PROS1: variants seen among roughly 807,000 people sequenced by gnomAD.
PROS1 encodes protein S, also known as vitamin K-dependent protein S.
In PROS1, 29 loss-of-function variants were observed where a neutral mutation model predicts 75.9. That is an observed-to-expected ratio of 0.38 (90% CI 0.28 to 0.52). The LOEUF is 0.52. PROS1 is among the 20% of genes least tolerant of loss of function. The pLI, the probability that PROS1 is intolerant of heterozygous loss-of-function variation, is 0.83. For missense variants in PROS1, 680 were observed against 810.3 expected (o/e 0.84, Z 1.95); for synonymous variants, 245 against 280.6 (o/e 0.87, Z 1.27).
intron 9 of PROS1, among the ~76,000 whole-genome samples, chr3:93,896,264 T>C (rs978083538): frequency 2.0e-5 from 3 of 152,182 alleles, no homozygotes; most frequent in African/African-American, 7.2e-5. Flanking sequence ...AATGGAAATT[T>C]CACAAGTACA....
intron 14 of PROS1, 79 bp downstream of exon 14, chr3:93,876,887 T>C: frequency 1.0e-6 from 1 of 962,118 alleles, no homozygotes; most frequent in Non-Finnish European, 1.5e-6. Flanking sequence ...GATGCTTTTT[T>C]ACTATAATTA....
chr3:93,917,440 G>T (rs1199466225), intron 3 of PROS1, among the ~76,000 whole-genome samples: 1 of 152,160 alleles, frequency 6.6e-6, no homozygotes, highest in Non-Finnish European at 1.5e-5. Flanking sequence ...GCTGTGAGAG[G>T]TGACAGCGTG....
Position 93,893,097 on chromosome 3 carries a change from T to C in PROS1, c.991A>G (p.Thr331Ala). The change falls in exon 10 of 15, where the codon ACA becomes GCA. Residue 331 changes from threonine (T) to alanine (A), a missense_variant. Physicochemically the swap from Thr to Ala is moderately conservative, Grantham distance 58. Coordinates refer to ENST00000394236, the MANE Select transcript of PROS1 (RefSeq NM_000313.4). ...AGTATCACGCCTTCTGAATCATATG[T>C]CCGGAAATCAAATTCTGCTGAAAAT... Reference protein sequence around the residue: ...SRFSAEFDFRTYDSEGVILYA... With the variant: ...SRFSAEFDFRAYDSEGVILYA... 6.2e-7 allele frequency: 1 copy of C among 1,613,790 alleles called. No homozygotes were observed. Among genetic ancestry groups the C allele is most frequent in the Non-Finnish European group, 8.5e-7 (1 of 1,179,808 alleles).
chr3:93,885,767 T>C (rs537381992), intron 11 of PROS1, among the ~76,000 whole-genome samples: 6 of 152,334 alleles, frequency 3.9e-5, no homozygotes, highest in Admixed American at 2.0e-4. Context: ...GTTAATTAAT[T>C]CAAGCTTAAT....
At chr3:93,916,237 A>G (rs766164389) in intron 3 of PROS1, among the ~76,000 whole-genome samples, 1 of 152,134 alleles carries the variant, frequency 6.6e-6, no homozygotes, top group African/African-American at 2.4e-5. Context: ...CTTCTTCTTG[A>G]ATCATCTACT....
rs537428509 is a variant in PROS1, at chr3:93,945,339, C to T, written c.77-17932G>A. Among the ~76,000 whole-genome samples, 19 of 152,228 alleles carry T rather than the reference C, an allele frequency of 1.2e-4. No homozygotes were observed. The East Asian group carries it at 2.1e-3, about 17-fold the overall frequency. ...GCATCATCCTGATACCAAAGCCTGG[C>T]AGAGACACAACAACAAAAAAAAGAG... On this transcript the variant is annotated intron_variant, in intron 1 of 14. Coordinates refer to ENST00000394236, the MANE Select transcript of PROS1 (RefSeq NM_000313.4).
chr3:93,879,041 A>G, intron 13 of PROS1, 122 bp downstream of exon 13: 5 of 1,032,244 alleles, frequency 4.8e-6, no homozygotes, highest in Non-Finnish European at 7.1e-6. Flanking sequence ...ATTGTGCCAA[A>G]CACTTTACAT....
At chr3:93,930,011 A>C (rs1299260075) in intron 1 of PROS1, among the ~76,000 whole-genome samples, 1 of 152,234 alleles carries the variant, frequency 6.6e-6, no homozygotes. Context: ...ATTTATCAAC[A>C]GTTACTATAT....
At position 93,874,408 on chromosome 3, in the gene PROS1, G is replaced by A. The variant is rs1488263925; in HGVS notation, c.1871-3C>T. ...TGGTGTGGCACTGAATGGAACATCT[G>A]TAAAAGGAAAATATTAGAATATTAG... On this transcript the variant is annotated splice_region_variant and splice_polypyrimidine_tract_variant and intron_variant, in intron 14 of 14. Transcript: ENST00000394236. 6.2e-7 allele frequency: 1 copy of A among 1,613,214 alleles called. No individual in the cohort carries two copies. The highest frequency in any genetic ancestry group is 8.5e-7 in the Non-Finnish European group (1 of 1,179,386).
chr3:93,902,431 A>G (rs1478638691), intron 6 of PROS1, among the ~76,000 whole-genome samples: 1 of 152,198 alleles, frequency 6.6e-6, no homozygotes, highest in Non-Finnish European at 1.5e-5. Flanking sequence ...TATGACTCCA[A>G]ACTGACATCT....
intron 4 of PROS1, among the ~76,000 whole-genome samples, chr3:93,907,099 C>T (rs1202793052): frequency 1.3e-5 from 2 of 152,212 alleles, no homozygotes; most frequent in Non-Finnish European, 1.5e-5. Context: ...CTGGGGAAGG[C>T]CTGAGGCCTG....
intron 1 of PROS1, among the ~76,000 whole-genome samples, chr3:93,968,527 A>C (rs1709822977): frequency 6.6e-6 from 1 of 152,136 alleles, no homozygotes; most frequent in South Asian, 2.1e-4. Context: ...GTACTTTATT[A>C]TGGCAGTCCT....
chr3:93,918,273 G>A (rs1277558454), intron 3 of PROS1, among the ~76,000 whole-genome samples: 3 of 152,028 alleles, frequency 2.0e-5, no homozygotes, highest in African/African-American at 4.8e-5. Flanking sequence ...ACCAATCAGC[G>A]CCCTGTCAAA....
intron 1 of PROS1, among the ~76,000 whole-genome samples, chr3:93,966,650 G>A (rs143522510): frequency 2.0e-3 from 308 of 152,090 alleles, no homozygotes; most frequent in Non-Finnish European, 3.0e-3. Context: ...AGGCCAAGGC[G>A]GGTGGATCAC....
intron 11 of PROS1, among the ~76,000 whole-genome samples, chr3:93,885,882 TGCTATTCTTTA>T (rs1035832232): frequency 9.8e-5 from 15 of 152,294 alleles, no homozygotes; most frequent in African/African-American, 3.6e-4. Context: ...TCACCTTATG[TGCTATTCTTTA>T]GCTCTTGCAT....
At chr3:93,917,557 C>A (rs1346754158) in intron 3 of PROS1, among the ~76,000 whole-genome samples, 14 of 152,184 alleles carry the variant, frequency 9.2e-5, no homozygotes, top group Non-Finnish European at 1.9e-4. Flanking sequence ...TGTGGGAGCC[C>A]CTTTCTGGGC....
intron 1 of PROS1, among the ~76,000 whole-genome samples, chr3:93,969,896 T>C (rs1709850603): frequency 2.0e-5 from 3 of 152,230 alleles, no homozygotes; most frequent in Admixed American, 2.0e-4. Flanking sequence ...TCGCTCAAGC[T>C]GCAAAAATAT....
rs909167796 is a variant in PROS1 at position 93,886,440 on chromosome 3, T to C, written c.1219A>G (p.Ile407Val). 6.2e-7 allele frequency: 1 copy of C among 1,613,044 alleles called. No homozygotes were observed. The highest frequency in any genetic ancestry group is 2.2e-5 in the East Asian group (1 of 44,812). ...IKIAKEAVMD[I>V]NKPGPLFKPE... ...TTAAAAAGGGGTCCAGGTTTATTTA[T>C]ATCCATCACAGCTTCTTTAGCTATT... The change falls in exon 11 of 15, where the codon ATA (isoleucine) becomes GTA (valine). Residue 407 changes from isoleucine to valine, a missense_variant. Physicochemically the swap from Ile to Val is conservative, Grantham distance 29. Coordinates refer to ENST00000394236, the MANE Select transcript of PROS1 (RefSeq NM_000313.4).
At chr3:93,912,648 C>G (rs1208873000) in intron 3 of PROS1, among the ~76,000 whole-genome samples, 2 of 152,090 alleles carry the variant, frequency 1.3e-5, no homozygotes, top group African/African-American at 4.8e-5. Context: ...TTTACTTCTC[C>G]CAGTTCTGGA....
Sources: gnomAD v4.1 joint callset for allele counts (sites outside exome capture counted in the v4.1 genomes callset) on GRCh38, gnomAD v4.1.1 for gene constraint, MANE v1.5 for transcripts, NCBI Gene and HGNC (gene_info 2026-07-23, HGNC 2026-07-21) for gene names.